Variants in MARCHF4 observed in about 807,000 individuals in gnomAD.
The protein encoded by MARCHF4 is E3 ubiquitin-protein ligase MARCHF4.
A neutral mutation model predicts 43.9 loss-of-function variants in MARCHF4; 14 were observed. That is an observed-to-expected ratio of 0.32 (90% CI 0.21 to 0.50). The LOEUF is 0.50. MARCHF4 is among the 20% of genes least tolerant of loss of function. The pLI, the probability that MARCHF4 is intolerant of heterozygous loss-of-function variation, is 0.98. For synonymous variants in MARCHF4, 226 were observed against 213.3 expected, an observed-to-expected ratio of 1.06 and a Z score of -0.52; for missense variants, 468 against 536.7, an observed-to-expected ratio of 0.87 and a Z score of 1.27.
intron 1 of MARCHF4, among the ~76,000 whole-genome samples, chr2:216,340,065 C>T (rs1692213586): frequency 1.3e-5 from 2 of 152,124 alleles, no homozygotes; most frequent in South Asian, 4.1e-4. Flanking sequence ...CTCTCCCTTT[C>T]CCAAACCTCC....
intron 1 of MARCHF4, among the ~76,000 whole-genome samples, chr2:216,291,216 T>C (rs544357934): frequency 6.6e-6 from 1 of 152,088 alleles, no homozygotes; most frequent in Non-Finnish European, 1.5e-5. Context: ...AGGACATTTT[T>C]CCAAAAGCCA....
At chr2:216,315,244 T>C (rs566356458) in intron 1 of MARCHF4, among the ~76,000 whole-genome samples, 2 of 152,302 alleles carry the variant, frequency 1.3e-5, no homozygotes, top group South Asian at 4.1e-4. Flanking sequence ...TTACTCCTGA[T>C]AGTGGCAGAG....
At chr2:216,320,610 TC>T (rs1288700015) in intron 1 of MARCHF4, among the ~76,000 whole-genome samples, 21 of 16,822 alleles carry the variant, frequency 1.2e-3, no homozygotes, top group African/African-American at 5.1e-3. Context: ...AGCCTCTTTT[TC>T]TTTCTTTCTT....
intron 3 of MARCHF4, among the ~76,000 whole-genome samples, chr2:216,267,002 G>A (rs760472903): frequency 1.3e-5 from 2 of 152,118 alleles, no homozygotes; most frequent in African/African-American, 2.4e-5. Context: ...TTTCTATATC[G>A]AATCAGAGTT....
At chr2:216,360,721 G>A (rs1004153484) in intron 1 of MARCHF4, among the ~76,000 whole-genome samples, 2 of 152,174 alleles carry the variant, frequency 1.3e-5, no homozygotes, top group Non-Finnish European at 2.9e-5. Context: ...TAGAATGTAC[G>A]ATATCAACAG....
At chr2:216,336,736 T>C (rs951454010) in intron 1 of MARCHF4, among the ~76,000 whole-genome samples, 1 of 34,156 alleles carries the variant, frequency 2.9e-5, no homozygotes, top group African/African-American at 8.5e-5. Context: ...GAAAGGCAAA[T>C]AGATTTAAAA....
chr2:216,340,241 C>G (rs1559103411), intron 1 of MARCHF4, among the ~76,000 whole-genome samples: 1 of 152,132 alleles, frequency 6.6e-6, no homozygotes, highest in African/African-American at 2.4e-5. Flanking sequence ...GCTCTCCTGG[C>G]CAGAATGAGG....
chr2:216,261,638 A>G (rs1361561795), intron 3 of MARCHF4, among the ~76,000 whole-genome samples: 3 of 152,226 alleles, frequency 2.0e-5, no homozygotes, highest in Admixed American at 2.0e-4. Context: ...TGTCTGATAG[A>G]AATCTAACTA....
At chr2:216,343,959 C>A (rs1692272920) in intron 1 of MARCHF4, among the ~76,000 whole-genome samples, 1 of 152,046 alleles carries the variant, frequency 6.6e-6, no homozygotes, top group Non-Finnish European at 1.5e-5. Flanking sequence ...AGAGTGGGAC[C>A]TAGTGAGAAT....
At chr2:216,279,360 G>T (rs1284602481) in intron 2 of MARCHF4, among the ~76,000 whole-genome samples, 8 of 152,176 alleles carry the variant, frequency 5.3e-5, no homozygotes, top group African/African-American at 1.9e-4. Context: ...AAGAATGAGA[G>T]ATCACACAGA....
intron 3 of MARCHF4, among the ~76,000 whole-genome samples, chr2:216,271,150 ACT>A (rs1399673099): frequency 6.6e-6 from 1 of 151,926 alleles, no homozygotes; most frequent in East Asian, 1.9e-4. Flanking sequence ...ATGACCCATG[ACT>A]CTGTGGGATT....
intron 1 of MARCHF4, among the ~76,000 whole-genome samples, chr2:216,315,166 A>G (rs1691755035): frequency 6.6e-6 from 1 of 152,228 alleles, no homozygotes; most frequent in African/African-American, 2.4e-5. Flanking sequence ...CAAATAATCA[A>G]TAAATATTGG....
chr2:216,263,741 T>A (rs1690797585), intron 3 of MARCHF4, among the ~76,000 whole-genome samples: 1 of 151,798 alleles, frequency 6.6e-6, no homozygotes, highest in Admixed American at 6.6e-5. Context: ...GCCACCAGTG[T>A]GAGGGAAACG....
rs968738109 is a variant in MARCHF4, at chr2:216,272,051, T to G, written c.865+5621A>C. The stretch of plus-strand genomic sequence containing the variant: ...CCCAGCATTTTGGGAGGCTTAGAGA[T>G]CTCTAAAAAAACACCCTATGTTGCC... On this transcript the variant is annotated intron_variant, in intron 3 of 3. Coordinates refer to ENST00000273067, the MANE Select transcript of MARCHF4 (RefSeq NM_020814.3). Among the ~76,000 whole-genome samples, 3 of 149,642 alleles carry G rather than the reference T, an allele frequency of 2.0e-5. No individual in the cohort carries two copies. In the East Asian group the frequency reaches 5.9e-4, roughly 30 times the overall value.
At chr2:216,263,942 C>T (rs1471527337) in intron 3 of MARCHF4, among the ~76,000 whole-genome samples, 3 of 152,112 alleles carry the variant, frequency 2.0e-5, no homozygotes, top group Admixed American at 2.0e-4. Context: ...GAGCTGGGCC[C>T]TGTGATGGTG....
At chr2:216,291,304 G>C (rs953292722) in intron 1 of MARCHF4, among the ~76,000 whole-genome samples, 1 of 152,170 alleles carries the variant, frequency 6.6e-6, no homozygotes, top group Non-Finnish European at 1.5e-5. Context: ...AGCATTAACC[G>C]TGGACCTGGC....
intron 3 of MARCHF4, among the ~76,000 whole-genome samples, chr2:216,268,653 C>A (rs1392319060): frequency 6.6e-6 from 1 of 152,154 alleles, no homozygotes; most frequent in Non-Finnish European, 1.5e-5. Flanking sequence ...CAGGGAAGTC[C>A]TTTATAGCAG....
At chr2:216,345,213 T>G (rs569405808) in intron 1 of MARCHF4, among the ~76,000 whole-genome samples, 1 of 152,174 alleles carries the variant, frequency 6.6e-6, no homozygotes, top group African/African-American at 2.4e-5. Context: ...TTGGAGGGCC[T>G]CTGCTTTCTC....
chr2:216,287,323 C>G (rs1214453877), intron 1 of MARCHF4, among the ~76,000 whole-genome samples: 1 of 152,116 alleles, frequency 6.6e-6, no homozygotes, highest in East Asian at 1.9e-4. Context: ...CCCCTCTGGT[C>G]CAGCTACTGC....
Sources: allele counts gnomAD v4.1 joint callset (sites outside exome capture counted in the v4.1 genomes callset), GRCh38; gene constraint gnomAD v4.1.1; transcripts MANE v1.5; gene names NCBI Gene and HGNC (gene_info 2026-07-23, HGNC 2026-07-21).